The following SIRPA variants were observed in gnomAD, a reference collection of about 807,000 sequenced individuals.
SIRPA encodes the protein tyrosine-protein phosphatase non-receptor type substrate 1.
A neutral mutation model predicts 50.3 loss-of-function variants in SIRPA; 9 were observed. The observed-to-expected ratio is 0.18, with a 90% CI of 0.11 to 0.31. The LOEUF is 0.31. Among genes scored for constraint, SIRPA ranks in the 10% least tolerant of loss-of-function variants. SIRPA has a pLI of 1.00. For synonymous variants in SIRPA, 265 were observed against 284.1 expected, an observed-to-expected ratio of 0.93 and a Z score of 0.68; for missense variants, 474 against 661.6, an observed-to-expected ratio of 0.72 and a Z score of 3.11.
Position 1,921,622 on chromosome 20 carries a change from G to C in SIRPA, c.664G>C (p.Val222Leu), listed in dbSNP as rs143385810. The change falls in exon 3 of 8, where the codon GTT (valine) becomes CTT (leucine). Residue 222 changes from valine (V) to leucine (L), a missense_variant. Around this residue, in one of 4 missense-constraint regions of SIRPA, gnomAD observed 221 missense variants for 359.9 expected, o/e 0.61. Coordinates refer to ENST00000358771, the MANE Select transcript of SIRPA (RefSeq NM_001040023.2). ...TAKVVLTRED[V>L]HSQVICEVAH... ...CAAGGTGGTGCTGACCCGCGAGGAC[G>C]TTCACTCTCAAGTCATCTGCGAGGT... is the stretch of plus-strand genomic sequence containing the variant. 4 of 1,614,096 alleles carry C rather than the reference G, an allele frequency of 2.5e-6. No individual in the cohort carries two copies. The highest frequency in any genetic ancestry group is 3.4e-6 in the Non-Finnish European group (4 of 1,180,046).
In SIRPA at chr20:1,932,116, C is replaced by T. The variant is rs1185074801; in HGVS notation, c.1227-2599C>T. 1.3e-5 allele frequency among the ~76,000 whole-genome samples: 2 copies of T among 152,172 alleles called. No homozygotes were observed. Among genetic ancestry groups the T allele is most frequent in the Non-Finnish European group, 2.9e-5 (2 of 68,040 alleles). Reference sequence around the variant, plus strand: ...ATACATATGGACTGCTGACGATGTGCCAGCCCAGTTCTTGGTGCTGGGGCT... The same window carrying T: ...ATACATATGGACTGCTGACGATGTGTCAGCCCAGTTCTTGGTGCTGGGGCT... On this transcript the variant is annotated intron_variant, in intron 6 of 7. Coordinates refer to ENST00000358771, the MANE Select transcript of SIRPA (RefSeq NM_001040023.2). This position sits in a 1 kb window ranked among gnomAD's most constrained non-coding sequence, Gnocchi z 6.0.
intron 2 of SIRPA, 26 bp downstream of exon 2, chr20:1,915,481 C>T (rs771323715): frequency 3.1e-6 from 5 of 1,612,338 alleles, no homozygotes; most frequent in Non-Finnish European, 4.2e-6. Flanking sequence ...GCCTCCTTTG[C>T]CTCTGGTTTG....
rs542227974 is a variant in SIRPA, at chr20:1,927,733, G to T, written c.1202-142G>T. 3 of 753,492 alleles carry T rather than the reference G, an allele frequency of 4.0e-6. No individual in the cohort carries two copies. The highest frequency in any genetic ancestry group is 7.2e-6 in the Non-Finnish European group (3 of 418,738). The allele number at this position is 753,492 out of a possible 1,614,324, so 46.7% of individuals were successfully genotyped here. On this transcript the variant is annotated intron_variant, in intron 5 of 7. Transcript: ENST00000358771. This position sits in a 1 kb window ranked among gnomAD's most constrained non-coding sequence, Gnocchi z 6.5. Reference sequence around the variant, plus strand: ...AAGAGGATGCCCACTGGGTGGGCATGGGGGTCTCCTGTGGTTCCAAGGATG... The same window carrying T: ...AAGAGGATGCCCACTGGGTGGGCATTGGGGTCTCCTGTGGTTCCAAGGATG...
At chr20:1,915,969 A>AC (rs2123103903) in intron 2 of SIRPA, among the ~76,000 whole-genome samples, 2 of 152,342 alleles carry the variant, frequency 1.3e-5, no homozygotes, top group East Asian at 3.8e-4. Context: ...ATCACCAAAC[A>AC]CCAACTGAGA....
intron 1 of SIRPA, among the ~76,000 whole-genome samples, chr20:1,912,941 G>A (rs569665129): frequency 1.6e-4 from 25 of 152,316 alleles, no homozygotes; most frequent in Non-Finnish European, 2.2e-4. Context: ...TGGGCCTCCC[G>A]GGCCTCCCAC....
chr20:1,920,330 G>A (rs982185883), intron 2 of SIRPA, among the ~76,000 whole-genome samples: 1 of 152,242 alleles, frequency 6.6e-6, no homozygotes, highest in Non-Finnish European at 1.5e-5. Flanking sequence ...TGTTTGATGG[G>A]TGTGAGGGAG....
At position 1,908,497 on chromosome 20, in the gene SIRPA, G is replaced by A. The variant is rs550199927; in HGVS notation, c.80-6602G>A. Among the ~76,000 whole-genome samples the A allele has an allele frequency of 2.0e-4, 30 of 152,044 alleles. No individual in the cohort carries two copies. In the South Asian group the frequency reaches 6.0e-3, roughly 31 times the overall value. On this transcript the variant is annotated intron_variant, in intron 1 of 7. Coordinates refer to ENST00000358771, the MANE Select transcript of SIRPA (RefSeq NM_001040023.2). ...TCCTGCACACAATTCACATGCCCAC[G>A]CCCATGATCCCTAGCCCCCCATTCA...
upstream of SIRPA, chr20:1,894,872 G>T (rs1020222418): frequency 2.0e-5 from 3 of 147,510 alleles, no homozygotes; most frequent in Non-Finnish European, 3.0e-5. This position sits in a 1 kb window ranked among gnomAD's most constrained non-coding sequence, Gnocchi z 4.0. Context: ...AAGGAGGGAG[G>T]GGGTCGGGCT....
chr20:1,936,453 G>A lies in SIRPA; in HGVS notation c.1267-867G>A, dbSNP rs1301489448. ...TCCCCTCTTTACAGATGGAGAAACT[G>A]AGGCCCAGAGAGGTTAAGTGAATTG... On this transcript the variant is annotated intron_variant, in intron 7 of 7. Coordinates refer to ENST00000358771, the MANE Select transcript of SIRPA (RefSeq NM_001040023.2). This position sits in a 1 kb window ranked among gnomAD's most constrained non-coding sequence, Gnocchi z 4.2. Among the ~76,000 whole-genome samples, 1 of 152,150 alleles carries A rather than the reference G, an allele frequency of 6.6e-6. No homozygotes were observed. Among genetic ancestry groups the A allele is most frequent in the African/African-American group, 2.4e-5 (1 of 41,408 alleles).
chr20:1,909,409 C>T (rs566289884), intron 1 of SIRPA, among the ~76,000 whole-genome samples: 1 of 152,230 alleles, frequency 6.6e-6, no homozygotes, highest in Non-Finnish European at 1.5e-5. Context: ...CTGGAAGACT[C>T]ACACCCCAGG....
Position 1,908,809 on chromosome 20 carries a change from G to A in SIRPA, c.80-6290G>A, listed in dbSNP as rs551139288. 4.6e-5 allele frequency among the ~76,000 whole-genome samples: 7 copies of A among 152,194 alleles called. No homozygotes were observed. The South Asian group carries it at 1.5e-3, about 32-fold the overall frequency. ...ATTGCACAGCCCTGTACTATATCCTGTGTACATCCTCTTTAATGCACTCTT... is the reference window on the plus strand; with the variant it reads ...ATTGCACAGCCCTGTACTATATCCTATGTACATCCTCTTTAATGCACTCTT... On this transcript the variant is annotated intron_variant, in intron 1 of 7. Transcript: ENST00000358771.
At chr20:1,901,266 G>A (rs1483685759) in intron 1 of SIRPA, among the ~76,000 whole-genome samples, 1 of 146,788 alleles carries the variant, frequency 6.8e-6, no homozygotes, top group Non-Finnish European at 1.5e-5. Flanking sequence ...TGCCTCCTGG[G>A]TCCAAGCAAT....
intron 1 of SIRPA, among the ~76,000 whole-genome samples, chr20:1,903,510 G>A (rs1984363992): frequency 1.3e-5 from 2 of 152,202 alleles, no homozygotes; most frequent in East Asian, 1.9e-4. Context: ...CATAGCAGCT[G>A]GAGTGAATCA....
chr20:1,937,597 T>C lies in SIRPA; in HGVS notation c.*29T>C, dbSNP rs369353013. 25 of 1,607,218 alleles carry C rather than the reference T, an allele frequency of 1.6e-5. No homozygotes were observed. The highest frequency in any genetic ancestry group is 1.9e-5 in the Non-Finnish European group (22 of 1,175,334). On this transcript the variant is annotated 3_prime_UTR_variant, in exon 8 of 8. Coordinates refer to ENST00000358771, the MANE Select transcript of SIRPA (RefSeq NM_001040023.2). The surrounding 1 kb of genome is among the most constrained non-coding windows in gnomAD (Gnocchi z 8.3). ...GGACCGTGGTTTGCTCTAGCACCCA[T>C]CTCTACGCGCTTTCTTGTCCCACAG... is the stretch of plus-strand genomic sequence containing the variant.
chr20:1,934,962 C>T lies in SIRPA; in HGVS notation c.1266+208C>T, dbSNP rs894521849. Reference sequence around the variant, plus strand: ...GCTGTTGCAGCCTCATGACTCAGTGCGACCCATTGCACAACTCCCCAGGGG... The same window carrying T: ...GCTGTTGCAGCCTCATGACTCAGTGTGACCCATTGCACAACTCCCCAGGGG... On this transcript the variant is annotated intron_variant, in intron 7 of 7. Transcript: ENST00000358771. This position sits in a 1 kb window ranked among gnomAD's most constrained non-coding sequence, Gnocchi z 4.6. Among the ~76,000 whole-genome samples, 5 of 152,164 alleles carry T rather than the reference C, an allele frequency of 3.3e-5. No individual in the cohort carries two copies. In the East Asian group the frequency reaches 5.8e-4, roughly 18 times the overall value.
chr20:1,901,002 G>A (rs1023395122), intron 1 of SIRPA, among the ~76,000 whole-genome samples: 5 of 152,162 alleles, frequency 3.3e-5, no homozygotes, highest in South Asian at 2.1e-4. Flanking sequence ...AACCACTGTC[G>A]GCCTAATCAC....
Position 1,931,887 on chromosome 20 carries a change from C to G in SIRPA, c.1227-2828C>G, listed in dbSNP as rs542865187. 9.2e-5 allele frequency among the ~76,000 whole-genome samples: 14 copies of G among 152,308 alleles called. No individual in the cohort carries two copies. In the South Asian group the frequency reaches 2.7e-3, roughly 29 times the overall value. ...TTCGATCAGCCATTTATTCACTTGTCAGACATTCACTGCATTTATTCTTGG... is the reference window on the plus strand; with the variant it reads ...TTCGATCAGCCATTTATTCACTTGTGAGACATTCACTGCATTTATTCTTGG... On this transcript the variant is annotated intron_variant, in intron 6 of 7. Coordinates refer to ENST00000358771, the MANE Select transcript of SIRPA (RefSeq NM_001040023.2).
In SIRPA at chr20:1,927,812, T is replaced by C; in HGVS notation, c.1202-63T>C. 2.6e-6 allele frequency: 4 copies of C among 1,531,648 alleles called. No individual in the cohort carries two copies. The highest frequency in any genetic ancestry group is 3.6e-6 in the Non-Finnish European group (4 of 1,104,840). 94.9% of individuals were successfully genotyped at this position (1,531,648 alleles called of 1,614,324 possible). A position where few individuals can be genotyped will look rare whatever the true frequency, so the allele number is the denominator to read the frequency against. ...TGGAGGCAAACCTTTTGCCAAAAAA[T>C]AGTTACATAAGAAAAGTGTGCTTCT... is the stretch of plus-strand genomic sequence containing the variant. On this transcript the variant is annotated intron_variant, in intron 5 of 7. Transcript: ENST00000358771. This position sits in a 1 kb window ranked among gnomAD's most constrained non-coding sequence, Gnocchi z 6.5.
intron 1 of SIRPA, among the ~76,000 whole-genome samples, chr20:1,912,162 T>C (rs962040660): frequency 4.0e-5 from 6 of 151,702 alleles, no homozygotes; most frequent in African/African-American, 7.3e-5. Context: ...ACTCCAGATT[T>C]TATTGTCGCC....
Sources: allele counts gnomAD v4.1 joint callset (sites outside exome capture counted in the v4.1 genomes callset), GRCh38; gene constraint gnomAD v4.1.1; regional missense constraint gnomAD v4.1.1; non-coding constraint Gnocchi (gnomAD v3.1); transcripts MANE v1.5; gene names NCBI Gene and HGNC (gene_info 2026-07-23, HGNC 2026-07-21).